Variants in POTEJ observed in about 807,000 individuals in gnomAD.
POTEJ encodes the protein POTE ankyrin domain family member J, also known as POTE ankyrin domain family, member J.
A neutral mutation model predicts 69.0 loss-of-function variants in POTEJ; 11 were observed. The observed-to-expected ratio is 0.16, with a 90% confidence interval of 0.10 to 0.26. The LOEUF (loss-of-function observed/expected upper bound fraction) is 0.26, where lower values mean the gene tolerates loss of function less well. Among genes scored for constraint, POTEJ ranks in the 10% least tolerant of loss-of-function variants. The probability of loss-of-function intolerance (pLI) is 1.00; values close to 1 mark genes in which losing one functional copy is unlikely to be tolerated. For synonymous variants in POTEJ, 117 were observed against 381.1 expected, an observed-to-expected ratio of 0.31 and a Z score of 8.07; for missense variants, 327 against 1,045.5, an observed-to-expected ratio of 0.31 and a Z score of 9.48.
chr2:130,640,664 G>A (rs1686323365), intron 10 of POTEJ, among the ~76,000 whole-genome samples: 1 of 151,568 alleles, frequency 6.6e-6, no homozygotes, highest in Non-Finnish European at 1.5e-5. Flanking sequence ...TTTAAACAGG[G>A]AGGAAACTTA....
At chr2:130,622,697 A>C (rs1196238279) in intron 5 of POTEJ, 1 of 146,070 alleles carries the variant, frequency 6.8e-6, no homozygotes, top group South Asian at 2.1e-4. Flanking sequence ...TCTCTAGCTC[A>C]AGATTTTAAA....
chr2:130,645,970 T>C (rs1473039713), intron 12 of POTEJ, among the ~76,000 whole-genome samples, 159 bp from the exon 13 acceptor site: 1 of 132,354 alleles, frequency 7.6e-6, no homozygotes, highest in Non-Finnish European at 1.6e-5. Context: ...AGAGCTATTC[T>C]TTCATTATTA....
In POTEJ at chr2:130,657,116, A is replaced by G; in HGVS notation, c.2356A>G (p.Met786Val). The G allele has an allele frequency of 6.4e-7, 1 of 1,568,950 alleles. No individual in the cohort carries two copies. The highest frequency in any genetic ancestry group is 8.7e-7 in the Non-Finnish European group (1 of 1,148,630). ...KANREKMTQI[M>V]FETFNTPAMY... ...CAACCGCGAGAAGATGACCCAGATC[A>G]TGTTTGAGACCTTCAACACCCCAGC... Residue 786 changes from methionine to valine, a missense_variant, in exon 15 of 15, where the codon ATG (methionine) becomes GTG (valine). Coordinates refer to ENST00000409602, the MANE Select transcript of POTEJ (RefSeq NM_001277083.2).
chr2:130,640,905 G>T (rs1686340240), intron 10 of POTEJ, among the ~76,000 whole-genome samples: 4 of 152,110 alleles, frequency 2.6e-5, no homozygotes, highest in Non-Finnish European at 5.9e-5. Flanking sequence ...TGTGCTGCAG[G>T]GGCTCATTGG....
At position 130,657,430 on chromosome 2, in the gene POTEJ, G is replaced by A. The variant is rs750155028; in HGVS notation, c.2670G>A (p.Met890Ile). 3 of 1,600,534 alleles carry A rather than the reference G, an allele frequency of 1.9e-6. No individual in the cohort carries two copies. The Admixed American group carries it at 5.0e-5, about 27-fold the overall frequency. Residue 890 changes from methionine (M) to isoleucine (I), a missense_variant, in exon 15 of 15, where the codon ATG (methionine) becomes ATA (isoleucine). Transcript: ENST00000409602. ...TTGCCCTGGACTTCGAGCAGGAGAT[G>A]GCCATGGTGGCCTCCAGCTCCTCCC... Reference protein sequence around the residue: ...CYVALDFEQEMAMVASSSSLE... With the variant: ...CYVALDFEQEIAMVASSSSLE...
intron 14 of POTEJ, among the ~76,000 whole-genome samples, chr2:130,656,006 CTG>C (rs1177752926): frequency 2.8e-5 from 4 of 142,892 alleles, no homozygotes; most frequent in Admixed American, 1.4e-4. Context: ...ATTCTTATAA[CTG>C]AGTATAGAAA....
At chr2:130,637,207 G>A (rs1442846073) in intron 9 of POTEJ, among the ~76,000 whole-genome samples, 1 of 151,064 alleles carries the variant, frequency 6.6e-6, no homozygotes, top group Non-Finnish European at 1.5e-5. Context: ...TTTTATTTAG[G>A]GAGAAAAGCC....
intron 10 of POTEJ, among the ~76,000 whole-genome samples, chr2:130,642,817 G>A: frequency 6.6e-6 from 1 of 151,926 alleles, no homozygotes; most frequent in Non-Finnish European, 1.5e-5. Flanking sequence ...ACTCTTTCAG[G>A]CCTCGCTCCC....
intron 11 of POTEJ, among the ~76,000 whole-genome samples, chr2:130,644,585 C>T (rs1384495144): frequency 1.3e-5 from 2 of 152,282 alleles, no homozygotes; most frequent in South Asian, 2.1e-4. Flanking sequence ...TTAACTTCAA[C>T]ATAACCCACT....
intron 6 of POTEJ, among the ~76,000 whole-genome samples, chr2:130,625,500 G>A (rs555124589): frequency 2.8e-3 from 425 of 151,792 alleles, no homozygotes; most frequent in African/African-American, 9.4e-3. Context: ...GACATATGAG[G>A]AATGAAAGTT....
rs1240897608 is a variant in POTEJ, at chr2:130,612,726, G to A, written c.410+784G>A. On this transcript the variant is annotated intron_variant, in intron 1 of 14. Coordinates refer to ENST00000409602, the MANE Select transcript of POTEJ (RefSeq NM_001277083.2). ...TGCAGTGAGCCAAGATAGTGCCACCGCACTCCAGCCTGGGAGACAGAGCGA... is the reference window on the plus strand; with the variant it reads ...TGCAGTGAGCCAAGATAGTGCCACCACACTCCAGCCTGGGAGACAGAGCGA... Among the ~76,000 whole-genome samples the A allele has an allele frequency of 5.1e-5, 6 of 117,912 alleles. No homozygotes were observed. The East Asian group carries it at 9.3e-4, about 18-fold the overall frequency. The allele number at this position is 117,912 out of a possible 152,430, so 77.4% of individuals were successfully genotyped here.
intron 13 of POTEJ, among the ~76,000 whole-genome samples, chr2:130,649,329 T>C (rs1310580435): frequency 2.0e-5 from 3 of 152,220 alleles, no homozygotes; most frequent in Non-Finnish European, 2.9e-5. Flanking sequence ...TTCCAGTTGC[T>C]CTGCCAAAAA....
intron 9 of POTEJ, among the ~76,000 whole-genome samples, chr2:130,637,307 AT>A (rs1180674816): frequency 8.8e-5 from 1 of 11,418 alleles, no homozygotes; most frequent in Non-Finnish European, 4.7e-4. Context: ...AAACTTTACT[AT>A]TTTATTTTAT....
At chr2:130,644,427 C>A (rs1477309115) in intron 11 of POTEJ, among the ~76,000 whole-genome samples, 1 of 151,904 alleles carries the variant, frequency 6.6e-6, no homozygotes, top group East Asian at 1.9e-4. Flanking sequence ...CCGACATCCA[C>A]CACTACACTC....
intron 10 of POTEJ, among the ~76,000 whole-genome samples, chr2:130,641,544 T>G (rs927791562): frequency 2.0e-5 from 3 of 150,590 alleles, no homozygotes; most frequent in Non-Finnish European, 4.5e-5. Context: ...TCAATATGAT[T>G]TAGTGATAAT....
chr2:130,624,982 T>C (rs1230608802), intron 6 of POTEJ, among the ~76,000 whole-genome samples: 2 of 152,052 alleles, frequency 1.3e-5, no homozygotes, highest in African/African-American at 4.8e-5. Flanking sequence ...TGCCCAACTC[T>C]AGGCTCAGCA....
At chr2:130,623,877 AT>A (rs1189286388) in intron 5 of POTEJ, among the ~76,000 whole-genome samples, 186 bp from the exon 6 acceptor site, 1 of 126,328 alleles carries the variant, frequency 7.9e-6, no homozygotes, top group African/African-American at 3.5e-5. Flanking sequence ...TTCACCTTAC[AT>A]TTTTTTCGTC....
intron 13 of POTEJ, among the ~76,000 whole-genome samples, chr2:130,647,023 G>A (rs1248417421): frequency 6.7e-6 from 1 of 150,150 alleles, no homozygotes; most frequent in Non-Finnish European, 1.5e-5. Flanking sequence ...GTATACTTAT[G>A]TATAAGGACA....
intron 1 of POTEJ, among the ~76,000 whole-genome samples, chr2:130,612,789 T>G (rs1248456177): frequency 6.1e-5 from 9 of 148,112 alleles, no homozygotes; most frequent in Admixed American, 4.0e-4. Flanking sequence ...AAAAAAGATG[T>G]GAGCTTTTTC....
Sources: allele counts gnomAD v4.1 joint callset (sites outside exome capture counted in the v4.1 genomes callset), GRCh38; gene constraint gnomAD v4.1.1; transcripts MANE v1.5; gene names NCBI Gene and HGNC (gene_info 2026-07-23, HGNC 2026-07-21).